CNKSR2: variants seen among roughly 807,000 people sequenced by gnomAD.
CNKSR2 encodes the protein CNK homolog protein 2.
A neutral mutation model predicts 84.4 loss-of-function variants in CNKSR2; 14 were observed. The observed-to-expected ratio is 0.17, with a 90% confidence interval of 0.11 to 0.26. The LOEUF (loss-of-function observed/expected upper bound fraction) is 0.26, where lower values mean the gene tolerates loss of function less well. Ranked by LOEUF, CNKSR2 falls within the 10% of genes least tolerant of loss-of-function variation. The probability of loss-of-function intolerance (pLI) is 1.00; values close to 1 mark genes in which losing one functional copy is unlikely to be tolerated. For missense variants in CNKSR2, 485 were observed against 771.2 expected, an observed-to-expected ratio of 0.63 and a Z score of 4.40; for synonymous variants, 275 against 277.9, an observed-to-expected ratio of 0.99 and a Z score of 0.10.
At chrX:21,526,587 G>A (rs528821445) in intron 9 of CNKSR2, among the ~76,000 whole-genome samples, 2 of 110,585 alleles carry the variant, frequency 1.8e-5, no homozygotes, top group East Asian at 2.9e-4. Flanking sequence ...AACACTGCAT[G>A]GTATTTTTGC....
chrX:21,432,882 G>T (rs1421752594), intron 3 of CNKSR2, 68 bp downstream of exon 3: 4 of 1,085,943 alleles, frequency 3.7e-6, no homozygotes, highest in Admixed American at 2.4e-5. Flanking sequence ...ACATTATTTT[G>T]CATTTTGTTG....
intron 10 of CNKSR2, among the ~76,000 whole-genome samples, chrX:21,530,044 G>T (rs144427803): frequency 1.5e-4 from 17 of 110,705 alleles, no homozygotes; most frequent in African/African-American, 4.9e-4. Context: ...CCACAAATTC[G>T]TTAAGGCTGC....
At chrX:21,557,108 G>T (rs779942195) in intron 11 of CNKSR2, among the ~76,000 whole-genome samples, 2 of 110,661 alleles carry the variant, frequency 1.8e-5, no homozygotes, top group South Asian at 7.6e-4. Context: ...GCCCAGTAGA[G>T]TGAGCAGTTA....
At chrX:21,490,695 T>A in intron 6 of CNKSR2, 117 bp downstream of exon 6, 2 of 795,554 alleles carry the variant, frequency 2.5e-6, no homozygotes, top group Non-Finnish European at 3.4e-6. Context: ...AACATTTTGG[T>A]ATTTTTTTCC....
chrX:21,391,252 TG>T (rs1380862773), intron 1 of CNKSR2, among the ~76,000 whole-genome samples: 1 of 112,732 alleles, frequency 8.9e-6, no homozygotes, highest in East Asian at 2.8e-4. Context: ...AGTGCCCCAG[TG>T]GGGACTCTGT....
intron 3 of CNKSR2, among the ~76,000 whole-genome samples, chrX:21,437,901 C>A (rs2090730558): frequency 9.0e-6 from 1 of 111,191 alleles, no homozygotes; most frequent in African/African-American, 3.3e-5. Context: ...TTTCTGCTTA[C>A]AACTAAAGAG....
chrX:21,526,770 A>G (rs1254753671), intron 9 of CNKSR2, 97 bp from the exon 10 acceptor site: 1 of 773,285 alleles, frequency 1.3e-6, no homozygotes, highest in African/African-American at 2.2e-5. Flanking sequence ...TAATTTTAAA[A>G]TGATAACTAT....
At chrX:21,539,502 G>GTT (rs11437274) in intron 11 of CNKSR2, among the ~76,000 whole-genome samples, 2 of 109,022 alleles carry the variant, frequency 1.8e-5, no homozygotes, top group African/African-American at 6.8e-5. Flanking sequence ...ATTTCATACA[G>GTT]TTTTTTTTTC....
At chrX:21,427,581 C>G (rs1251685095) in intron 2 of CNKSR2, 1 of 112,007 alleles carries the variant, frequency 8.9e-6, no homozygotes, top group African/African-American at 3.2e-5. Context: ...CCCTCTATCC[C>G]CAACTACTCT....
chrX:21,576,649 A>T (rs1435078403), intron 13 of CNKSR2, among the ~76,000 whole-genome samples: 2 of 111,400 alleles, frequency 1.8e-5, no homozygotes. Context: ...AATGACCAAT[A>T]TCAAGAATAA....
At chrX:21,434,499 CTTTAA>C (rs1219605539) in intron 3 of CNKSR2, among the ~76,000 whole-genome samples, 5 of 111,600 alleles carry the variant, frequency 4.5e-5, no homozygotes, top group African/African-American at 1.6e-4. Flanking sequence ...TGCAGATTTG[CTTTAA>C]TTTGAGGGAT....
intron 1 of CNKSR2, among the ~76,000 whole-genome samples, chrX:21,403,362 A>T (rs917394514): frequency 5.4e-5 from 6 of 111,616 alleles, no homozygotes; most frequent in African/African-American, 1.9e-4. Context: ...CTCACTCCTA[A>T]TTACCATGAT....
At chrX:21,427,545 A>G (rs1170737545) in intron 2 of CNKSR2, 1 of 111,638 alleles carries the variant, frequency 9.0e-6, no homozygotes, top group African/African-American at 3.3e-5. Context: ...AAGTTGTGCT[A>G]TTGGGACTAT....
At chrX:21,543,985 C>T (rs1433099901) in intron 11 of CNKSR2, among the ~76,000 whole-genome samples, 1 of 110,982 alleles carries the variant, frequency 9.0e-6, no homozygotes, top group Non-Finnish European at 1.9e-5. Flanking sequence ...CCACGCCTGG[C>T]TAATTAGCAG....
intron 11 of CNKSR2, among the ~76,000 whole-genome samples, chrX:21,555,870 C>T (rs745942093): frequency 9.0e-6 from 1 of 110,717 alleles, no homozygotes; most frequent in Admixed American, 9.7e-5. Context: ...CTTTAGCGTG[C>T]TTTTAGAGAG....
At chrX:21,471,551 A>G (rs1569188939) in intron 5 of CNKSR2, among the ~76,000 whole-genome samples, 1 of 112,403 alleles carries the variant, frequency 8.9e-6, no homozygotes, top group Non-Finnish European at 1.9e-5. Context: ...ATTAAGTTTT[A>G]TGTTTCTGAA....
intron 4 of CNKSR2, among the ~76,000 whole-genome samples, chrX:21,453,413 G>A (rs1445597572): frequency 8.9e-6 from 1 of 111,899 alleles, no homozygotes; most frequent in Non-Finnish European, 1.9e-5. Flanking sequence ...TGGTTCAGAA[G>A]TTTGATATAG....
chrX:21,606,851 C>G lies in CNKSR2; in HGVS notation c.2117C>G (p.Pro706Arg). The change falls in exon 19 of 22, where the codon CCA (proline) becomes CGA (arginine). Residue 706 changes from proline (P) to arginine (R), a missense_variant. Physicochemically the swap from Pro to Arg is moderately radical, Grantham distance 103. Around this residue, in one of 5 missense-constraint regions of CNKSR2, gnomAD observed 210 missense variants for 291.5 expected, o/e 0.72. Transcript: ENST00000379510. ...STPKQDSPPP[P>R]YDTYPRPPSM... ...CCAAAACAAGATAGCCCTCCACCCCCATATGATACATACCCACGACCTCCC... is the reference window on the plus strand; with the variant it reads ...CCAAAACAAGATAGCCCTCCACCCCGATATGATACATACCCACGACCTCCC... The G allele has an allele frequency of 8.5e-7, 1 of 1,180,139 alleles. No individual in the cohort carries two copies. Among genetic ancestry groups the G allele is most frequent in the Non-Finnish European group, 1.1e-6 (1 of 869,786 alleles).
intron 17 of CNKSR2, among the ~76,000 whole-genome samples, chrX:21,598,022 TATATAC>T (rs1250693785): frequency 9.3e-6 from 1 of 108,005 alleles, no homozygotes; most frequent in Admixed American, 1.0e-4. Context: ...TATATATATA[TATATAC>T]ACACACACAC....
Sources: gnomAD v4.1 joint callset for allele counts (sites outside exome capture counted in the v4.1 genomes callset) on GRCh38, gnomAD v4.1.1 for gene constraint, gnomAD v4.1.1 regional missense constraint, MANE v1.5 for transcripts, NCBI Gene and HGNC (gene_info 2026-07-23, HGNC 2026-07-21) for gene names.